NRXN1: variants seen among roughly 807,000 people sequenced by gnomAD.
NRXN1 encodes the protein neurexin-1.
NRXN1 carries 39 observed loss-of-function variants against 150.9 expected under a neutral mutation model. The observed-to-expected ratio is 0.26, with a 90% CI of 0.20 to 0.34. The LOEUF (loss-of-function observed/expected upper bound fraction) is 0.34, where lower values mean the gene tolerates loss of function less well. NRXN1 is among the 10% of genes least tolerant of loss of function. NRXN1 has a pLI of 1.00. For missense variants in NRXN1, 1,815 were observed against 1,949.9 expected (o/e 0.93, Z 1.30); for synonymous variants, 924 against 757.0 (o/e 1.22, Z -3.62).
At chr2:50,277,660 G>T (rs539466731) in intron 17 of NRXN1, among the ~76,000 whole-genome samples, 1 of 151,960 alleles carries the variant, frequency 6.6e-6, no homozygotes, top group African/African-American at 2.4e-5. Context: ...AACTATTTTA[G>T]AAAAATATTT....
intron 17 of NRXN1, among the ~76,000 whole-genome samples, chr2:50,464,187 A>G (rs1384900397): frequency 6.6e-6 from 1 of 151,810 alleles, no homozygotes; most frequent in Non-Finnish European, 1.5e-5. Context: ...GTTTGAATAC[A>G]TGTTTATTGC....
At chr2:50,876,850 T>C (rs1489243985) in intron 5 of NRXN1, among the ~76,000 whole-genome samples, 1 of 151,800 alleles carries the variant, frequency 6.6e-6, no homozygotes, top group Non-Finnish European at 1.5e-5. Context: ...GTATTATGAA[T>C]GACTTAGGGG....
intron 21 of NRXN1, among the ~76,000 whole-genome samples, chr2:50,038,151 A>C (rs1263863787): frequency 6.6e-6 from 1 of 152,258 alleles, no homozygotes; most frequent in Non-Finnish European, 1.5e-5. Context: ...GGAGATTAGC[A>C]GAAAATATAC....
chr2:50,318,140 A>C (rs1303787704), intron 17 of NRXN1, among the ~76,000 whole-genome samples: 1 of 152,102 alleles, frequency 6.6e-6, no homozygotes, highest in Admixed American at 6.6e-5. Context: ...TAATAGGAAA[A>C]AAATGGACTA....
intron 5 of NRXN1, among the ~76,000 whole-genome samples, chr2:50,797,077 T>C (rs1219153366): frequency 1.3e-5 from 2 of 152,196 alleles, no homozygotes; most frequent in Non-Finnish European, 2.9e-5. Context: ...CATGACTTAA[T>C]AACTTTCCGA....
intron 18 of NRXN1, among the ~76,000 whole-genome samples, chr2:50,218,323 G>T (rs566059691): frequency 1.3e-5 from 2 of 151,002 alleles, no homozygotes; most frequent in Non-Finnish European, 3.0e-5. Context: ...CACCTTCAGT[G>T]GGAATTGGGT....
chr2:50,588,593 C>T (rs1673556901), intron 8 of NRXN1: 1 of 152,142 alleles, frequency 6.6e-6, no homozygotes, highest in South Asian at 2.1e-4. Flanking sequence ...CTGTTCTTGT[C>T]TATTTATTGG....
At chr2:50,358,213 G>C (rs72874502) in intron 17 of NRXN1, among the ~76,000 whole-genome samples, 3,008 of 152,224 alleles carry the variant, frequency 0.02, 39 homozygotes, top group African/African-American at 0.035. Flanking sequence ...GTAGTGCCTC[G>C]AACGTCAGCG....
At chr2:50,943,199 G>A (rs1310372289) in intron 2 of NRXN1, among the ~76,000 whole-genome samples, 1 of 152,130 alleles carries the variant, frequency 6.6e-6, no homozygotes, top group South Asian at 2.1e-4. Flanking sequence ...ATGAGGAACT[G>A]TAAGTCAATT....
chr2:50,801,370 T>C (rs1224293335), intron 5 of NRXN1, among the ~76,000 whole-genome samples: 4 of 152,196 alleles, frequency 2.6e-5, no homozygotes, highest in Middle Eastern at 3.2e-3. Flanking sequence ...ATCTGCAATA[T>C]GTATTGTGAA....
At chr2:50,531,940 A>G (rs930829996) in intron 10 of NRXN1, among the ~76,000 whole-genome samples, 11 of 151,968 alleles carry the variant, frequency 7.2e-5, no homozygotes, top group African/African-American at 2.7e-4. Flanking sequence ...TGACCTCCTG[A>G]GCTCAAGCAA....
At chr2:50,164,923 GA>G (rs1237812338) in intron 18 of NRXN1, among the ~76,000 whole-genome samples, 3 of 152,152 alleles carry the variant, frequency 2.0e-5, no homozygotes. Flanking sequence ...GTGAAGCAAA[GA>G]ACTTTTAACT....
At chr2:50,201,604 G>C (rs767228181) in intron 18 of NRXN1, among the ~76,000 whole-genome samples, 8 of 152,066 alleles carry the variant, frequency 5.3e-5, no homozygotes, top group Non-Finnish European at 1.2e-4. Context: ...TCAATGAACT[G>C]GTTTTATTAG....
chr2:50,206,339 T>C (rs2062576242), intron 18 of NRXN1, among the ~76,000 whole-genome samples: 1 of 151,850 alleles, frequency 6.6e-6, no homozygotes, highest in African/African-American at 2.4e-5. Flanking sequence ...ATTCACGAGG[T>C]GGTCAGACCA....
chr2:50,024,439 T>C (rs1041354396), intron 21 of NRXN1, among the ~76,000 whole-genome samples: 8 of 152,216 alleles, frequency 5.3e-5, no homozygotes, highest in Non-Finnish European at 8.8e-5. Flanking sequence ...TTTATATTTA[T>C]GAGAAACATT....
At position 50,940,780 on chromosome 2, in the gene NRXN1, T is replaced by C. The variant is rs529075846; in HGVS notation, c.773-14825A>G. Among the ~76,000 whole-genome samples, 4 of 152,184 alleles carry C rather than the reference T, an allele frequency of 2.6e-5. No homozygotes were observed. In the South Asian group the frequency reaches 8.3e-4, roughly 32 times the overall value. On this transcript the variant is annotated intron_variant, in intron 2 of 22. Transcript: ENST00000401669. Reference sequence around the variant, plus strand: ...TTGCTAATAGACTCCTGTATTAAAATACAAGGGGAAAAATAATCAAAAGTA... The same window carrying C: ...TTGCTAATAGACTCCTGTATTAAAACACAAGGGGAAAAATAATCAAAAGTA...
chr2:50,787,792 G>C (rs1304047099), intron 5 of NRXN1, among the ~76,000 whole-genome samples: 1 of 151,762 alleles, frequency 6.6e-6, no homozygotes, highest in Non-Finnish European at 1.5e-5. Flanking sequence ...CCTGAGTAAG[G>C]ACATTGTGCA....
At chr2:50,694,354 C>T (rs889224793) in intron 5 of NRXN1, among the ~76,000 whole-genome samples, 5 of 152,088 alleles carry the variant, frequency 3.3e-5, no homozygotes, top group African/African-American at 1.2e-4. Context: ...GCATCGGTTT[C>T]CCTCTTAATG....
At chr2:50,587,828 A>G (rs757995284) in intron 8 of NRXN1, among the ~76,000 whole-genome samples, 44 of 152,298 alleles carry the variant, frequency 2.9e-4, no homozygotes, top group African/African-American at 8.4e-4. Context: ...TGAAGAATCA[A>G]TGTTGATGGT....
Sources: gnomAD v4.1 joint callset for allele counts (sites outside exome capture counted in the v4.1 genomes callset) on GRCh38, gnomAD v4.1.1 for gene constraint, MANE v1.5 for transcripts, NCBI Gene and HGNC (gene_info 2026-07-23, HGNC 2026-07-21) for gene names.